Variants in CYP7B1 observed in about 807,000 individuals in gnomAD.
CYP7B1 encodes the protein cytochrome P450 7B1.
CYP7B1 carries 29 observed loss-of-function variants against 42.7 expected under a neutral mutation model. That is an observed-to-expected ratio of 0.68 (90% CI 0.51 to 0.93). The LOEUF (loss-of-function observed/expected upper bound fraction) is 0.93, where lower values mean the gene tolerates loss of function less well. CYP7B1 is among the 40% of genes least tolerant of loss of function. CYP7B1 has a pLI of 0.00. For synonymous variants in CYP7B1, 235 were observed against 218.2 expected (o/e 1.08, Z -0.68); for missense variants, 655 against 600.5 (o/e 1.09, Z -0.95).
At chr8:64,622,896 A>C (rs1251441712) in intron 2 of CYP7B1, among the ~76,000 whole-genome samples, 1 of 152,168 alleles carries the variant, frequency 6.6e-6, no homozygotes, top group Non-Finnish European at 1.5e-5. Context: ...CTGGATCTTC[A>C]GTTACCTTGT....
At chr8:64,633,091 A>C (rs1805720925) in intron 1 of CYP7B1, among the ~76,000 whole-genome samples, 1 of 152,178 alleles carries the variant, frequency 6.6e-6, no homozygotes, top group Non-Finnish European at 1.5e-5. Flanking sequence ...TTCAGATATG[A>C]AGAAATAAAT....
intron 1 of CYP7B1, among the ~76,000 whole-genome samples, chr8:64,624,940 A>G (rs1007187677): frequency 4.4e-5 from 5 of 113,602 alleles, no homozygotes; most frequent in Non-Finnish European, 6.9e-5. Context: ...CCCAAAGTCC[A>G]TTATATCATT....
chr8:64,640,340 A>G (rs928229641), intron 1 of CYP7B1, among the ~76,000 whole-genome samples: 3 of 152,162 alleles, frequency 2.0e-5, no homozygotes, highest in Non-Finnish European at 4.4e-5. Flanking sequence ...GATTAATTTC[A>G]TATTTCAGTT....
At chr8:64,692,329 A>C (rs1005657101) in intron 1 of CYP7B1, among the ~76,000 whole-genome samples, 1 of 152,204 alleles carries the variant, frequency 6.6e-6, no homozygotes, top group Non-Finnish European at 1.5e-5. Context: ...GACTATGTGT[A>C]CATCAGTTTA....
rs2129629624 is a variant in CYP7B1, at chr8:64,592,254, T to G, written c.*4388A>C. Among the ~76,000 whole-genome samples, 1 of 152,254 alleles carries G rather than the reference T, an allele frequency of 6.6e-6. No homozygotes were observed. Among genetic ancestry groups the G allele is most frequent in the African/African-American group, 2.4e-5 (1 of 41,544 alleles). ...TTTAAAAATTCTAAGCCTCAATGACTATATTTGGTTTTAATTATCATATTA... is the reference window on the plus strand; with the variant it reads ...TTTAAAAATTCTAAGCCTCAATGACGATATTTGGTTTTAATTATCATATTA... On this transcript the variant is annotated 3_prime_UTR_variant, in exon 6 of 6. Coordinates refer to ENST00000310193, the MANE Select transcript of CYP7B1 (RefSeq NM_004820.5).
At chr8:64,703,005 C>CA (rs1806940416) in intron 1 of CYP7B1, among the ~76,000 whole-genome samples, 1 of 149,570 alleles carries the variant, frequency 6.7e-6, no homozygotes, top group East Asian at 1.9e-4. Context: ...TTTTATACAT[C>CA]TATATTTTTT....
At chr8:64,608,404 T>G (rs2129630013) in intron 4 of CYP7B1, among the ~76,000 whole-genome samples, 1 of 152,314 alleles carries the variant, frequency 6.6e-6, no homozygotes. Context: ...AGGCCCTGTC[T>G]GTATATGTGG....
intron 1 of CYP7B1, among the ~76,000 whole-genome samples, chr8:64,684,064 CT>C: frequency 6.6e-6 from 1 of 152,344 alleles, no homozygotes; most frequent in Admixed American, 6.5e-5. Flanking sequence ...GGTCTTTCTG[CT>C]TACAGGGTAT....
chr8:64,795,779 A>C (rs916165019), intron 1 of CYP7B1, among the ~76,000 whole-genome samples: 15 of 152,200 alleles, frequency 9.9e-5, no homozygotes, highest in Admixed American at 8.5e-4. Flanking sequence ...CCCTAGGCTA[A>C]GCCACTGTCA....
rs112410433 is a variant in CYP7B1, at chr8:64,597,016, TCTTAAAAAGCTC to T, written c.1234-99_1234-88del. 11,176 of 1,201,454 alleles carry T rather than the reference TCTTAAAAAGCTC, an allele frequency of 9.3e-3. 610 individuals are homozygous for T. The African/African-American group carries it at 0.13, about 14-fold the overall frequency. 74.4% of individuals were successfully genotyped at this position (1,201,454 alleles called of 1,614,324 possible). ...CAAAGTTGCTAGCTCTCTCTGCCTG[TCTTAAAAAGCTC>T]CTTTTAATCAGGTGAACACCAGAAA... On this transcript the variant is annotated intron_variant, in intron 5 of 5. Transcript: ENST00000310193.
chr8:64,730,335 G>T (rs926845312), intron 1 of CYP7B1, among the ~76,000 whole-genome samples: 2 of 152,016 alleles, frequency 1.3e-5, no homozygotes, highest in Admixed American at 1.3e-4. Flanking sequence ...CTCCCAGAGT[G>T]CTAGGATTAC....
At chr8:64,773,722 T>A (rs1009629301) in intron 1 of CYP7B1, among the ~76,000 whole-genome samples, 2 of 152,212 alleles carry the variant, frequency 1.3e-5, no homozygotes, top group African/African-American at 2.4e-5. Context: ...AGGCTGAGAA[T>A]TCTATCAGCA....
chr8:64,763,584 A>G (rs1807923079), intron 1 of CYP7B1, among the ~76,000 whole-genome samples: 1 of 152,212 alleles, frequency 6.6e-6, no homozygotes, highest in Non-Finnish European at 1.5e-5. Context: ...GGCCGGTTAA[A>G]AACAATTAGC....
intron 1 of CYP7B1, among the ~76,000 whole-genome samples, chr8:64,725,741 T>C (rs1391854580): frequency 6.6e-6 from 1 of 152,170 alleles, no homozygotes; most frequent in African/African-American, 2.4e-5. Flanking sequence ...TATCTTTTGG[T>C]GATGAAAACA....
intron 5 of CYP7B1, 42 bp from the exon 6 acceptor site, chr8:64,596,971 ATAG>A: frequency 1.3e-6 from 2 of 1,548,110 alleles, no homozygotes; most frequent in Middle Eastern, 1.7e-4. Flanking sequence ...TTTATATGAA[ATAG>A]TTTGAGTTCA....
At chr8:64,720,031 C>A (rs1198041681) in intron 1 of CYP7B1, among the ~76,000 whole-genome samples, 2 of 152,178 alleles carry the variant, frequency 1.3e-5, no homozygotes, top group Non-Finnish European at 1.5e-5. Context: ...ATACTTCAGA[C>A]CTTTATGGTT....
chr8:64,624,474 C>T lies in CYP7B1; in HGVS notation c.188G>A (p.Arg63Gln), dbSNP rs267601966. 1.6e-5 allele frequency: 26 copies of T among 1,612,690 alleles called. No individual in the cohort carries two copies. Among genetic ancestry groups the T allele is most frequent in the South Asian group, 3.3e-5 (3 of 91,036 alleles). The stretch of plus-strand genomic sequence containing the variant: ...TTTCATGAACCTTAAGGGGTCTTTT[C>T]GTAAGTTCAGGACCACTCCAAGATA... ...LPYLGVVLNL[R>Q]KDPLRFMKTL... The change falls in exon 2 of 6, where the codon CGA becomes CAA. Residue 63 changes from arginine to glutamine, a missense_variant. Physicochemically the swap from Arg to Gln is conservative, Grantham distance 43. Coordinates refer to ENST00000310193, the MANE Select transcript of CYP7B1 (RefSeq NM_004820.5).
At chr8:64,658,191 G>A (rs146496758) in intron 1 of CYP7B1, among the ~76,000 whole-genome samples, 1 of 152,102 alleles carries the variant, frequency 6.6e-6, no homozygotes, top group East Asian at 1.9e-4. Context: ...AATTTAGGGG[G>A]AACACAAACA....
At chr8:64,796,169 T>G (rs573612682) in intron 1 of CYP7B1, among the ~76,000 whole-genome samples, 1 of 152,302 alleles carries the variant, frequency 6.6e-6, no homozygotes, top group East Asian at 1.9e-4. Context: ...TTTATCATGT[T>G]AGGAACAAGA....
Sources: gnomAD v4.1 joint callset for allele counts (sites outside exome capture counted in the v4.1 genomes callset) on GRCh38, gnomAD v4.1.1 for gene constraint, MANE v1.5 for transcripts, NCBI Gene and HGNC (gene_info 2026-07-23, HGNC 2026-07-21) for gene names.